COG5: variants seen among roughly 807,000 people sequenced by gnomAD.
COG5 encodes the protein conserved oligomeric Golgi complex subunit 5.
COG5 carries 86 observed loss-of-function variants against 110.4 expected under a neutral mutation model. The observed-to-expected ratio is 0.78, with a 90% CI of 0.65 to 0.93. The LOEUF (loss-of-function observed/expected upper bound fraction) is 0.93, where lower values mean the gene tolerates loss of function less well. Ranked by LOEUF, COG5 falls within the 40% of genes least tolerant of loss-of-function variation. The pLI, the probability that COG5 is intolerant of heterozygous loss-of-function variation, is 0.00. For missense variants in COG5, 1,077 were observed against 987.0 expected (o/e 1.09, Z -1.22); for synonymous variants, 360 against 334.6 (o/e 1.08, Z -0.83).
chr7:107,438,470 C>T lies in COG5; in HGVS notation c.539-25838G>A, dbSNP rs78897007. ...TTATATAAGCCAGAGTTTTAAGCCA[C>T]TGCTTTATCTTTCGTTGAGGTTTCT... is the stretch of plus-strand genomic sequence containing the variant. On this transcript the variant is annotated intron_variant, in intron 6 of 21. Transcript: ENST00000297135. Among the ~76,000 whole-genome samples the T allele has an allele frequency of 8.8e-3, 1,339 of 152,322 alleles. 19 individuals carry two copies. The highest frequency in any genetic ancestry group is 0.028 in the African/African-American group (1,173 of 41,572).
At chr7:107,555,392 C>A (rs1194281981) in intron 2 of COG5, among the ~76,000 whole-genome samples, 1 of 152,152 alleles carries the variant, frequency 6.6e-6, no homozygotes, top group Non-Finnish European at 1.5e-5. Context: ...TCACCAACGA[C>A]TGGAACCCCT....
chr7:107,322,696 C>CAGAACAACAAATTGCT, intron 11 of COG5, among the ~76,000 whole-genome samples: 1 of 152,198 alleles, frequency 6.6e-6, no homozygotes, highest in East Asian at 1.9e-4. Context: ...ACAACATTTA[C>CAGAACAACAAATTGCT]CAAATAATTG....
At chr7:107,536,823 G>C (rs1450641935) in intron 5 of COG5, among the ~76,000 whole-genome samples, 3 of 152,118 alleles carry the variant, frequency 2.0e-5, no homozygotes, top group Admixed American at 6.5e-5. Context: ...TAAGCAAAAA[G>C]AACAAAGCTA....
intron 6 of COG5, among the ~76,000 whole-genome samples, chr7:107,506,424 C>G (rs796244581): frequency 2.6e-5 from 4 of 152,244 alleles, no homozygotes; most frequent in African/African-American, 9.6e-5. Context: ...TCAGGCAGGT[C>G]CCTGCTCTGA....
chr7:107,306,294 C>A (rs75860332), intron 11 of COG5, among the ~76,000 whole-genome samples: 2 of 152,056 alleles, frequency 1.3e-5, no homozygotes, highest in East Asian at 3.9e-4. Flanking sequence ...AAGTCATTTG[C>A]CCCAAGTTAA....
intron 19 of COG5, among the ~76,000 whole-genome samples, chr7:107,229,909 G>A (rs1471872964): frequency 1.4e-5 from 2 of 141,704 alleles, no homozygotes; most frequent in Non-Finnish European, 3.0e-5. Flanking sequence ...GGGGTGCACT[G>A]GCGTGATCTC....
intron 6 of COG5, among the ~76,000 whole-genome samples, chr7:107,424,687 C>T (rs1055970726): frequency 6.6e-6 from 1 of 152,048 alleles, no homozygotes; most frequent in Admixed American, 6.5e-5. Context: ...TGTATAAAGA[C>T]GGAAACAGAT....
intron 3 of COG5, among the ~76,000 whole-genome samples, chr7:107,550,245 C>G (rs550332170): frequency 1.3e-5 from 2 of 152,290 alleles, no homozygotes; most frequent in African/African-American, 4.8e-5. Flanking sequence ...CTACATTTTA[C>G]TCCATCTGCC....
At chr7:107,281,193 T>C (rs781081934) in intron 14 of COG5, 107 bp downstream of exon 14, 3 of 800,488 alleles carry the variant, frequency 3.7e-6, no homozygotes, top group East Asian at 2.7e-5. Context: ...ACAGTAAAAA[T>C]GGAAGTAAGT....
chr7:107,541,361 GT>G (rs1213719214), intron 5 of COG5, among the ~76,000 whole-genome samples: 13 of 149,088 alleles, frequency 8.7e-5, no homozygotes, highest in Non-Finnish European at 1.6e-4. Flanking sequence ...GCTGGGTGTG[GT>G]GGTGCATGCC....
intron 12 of COG5, among the ~76,000 whole-genome samples, chr7:107,294,066 C>T (rs1248529604): frequency 6.6e-6 from 1 of 151,904 alleles, no homozygotes; most frequent in Non-Finnish European, 1.5e-5. Context: ...AGCAAAGACT[C>T]CATCTAAAAA....
At chr7:107,260,792 A>C (rs1425929730) in intron 14 of COG5, among the ~76,000 whole-genome samples, 3 of 152,110 alleles carry the variant, frequency 2.0e-5, no homozygotes, top group African/African-American at 7.2e-5. Context: ...AAAAATATCA[A>C]AGTGAAAAAA....
intron 5 of COG5, among the ~76,000 whole-genome samples, chr7:107,539,605 A>C (rs78099303): frequency 0.018 from 2,740 of 152,254 alleles, 80 homozygotes; most frequent in African/African-American, 0.061. Flanking sequence ...TAATGAAAAT[A>C]TTCTGGCATT....
At chr7:107,259,599 C>A (rs1412396454) in intron 14 of COG5, among the ~76,000 whole-genome samples, 3 of 151,954 alleles carry the variant, frequency 2.0e-5, no homozygotes, top group Non-Finnish European at 4.4e-5. Context: ...CAGGGGGGGT[C>A]AAATGCTAAA....
At chr7:107,226,983 G>A (rs1800385298) in intron 19 of COG5, among the ~76,000 whole-genome samples, 1 of 152,174 alleles carries the variant, frequency 6.6e-6, no homozygotes, top group African/African-American at 2.4e-5. Context: ...GGCCTTGGGA[G>A]CTAAGACGTC....
chr7:107,277,121 A>C (rs557667279), intron 14 of COG5, among the ~76,000 whole-genome samples: 5 of 152,350 alleles, frequency 3.3e-5, no homozygotes, highest in African/African-American at 1.2e-4. Flanking sequence ...CACATAAATA[A>C]AATATATTAT....
chr7:107,495,106 T>C (rs1047306069), intron 6 of COG5, among the ~76,000 whole-genome samples: 4 of 152,118 alleles, frequency 2.6e-5, no homozygotes, highest in East Asian at 1.9e-4. Context: ...TTCAGACTGA[T>C]AGCATTCCCT....
At chr7:107,512,343 T>C (rs1355568584) in intron 6 of COG5, among the ~76,000 whole-genome samples, 9 of 152,160 alleles carry the variant, frequency 5.9e-5, no homozygotes, top group African/African-American at 2.2e-4. Flanking sequence ...TTACAAGGGA[T>C]GTGAAGGACC....
intron 6 of COG5, among the ~76,000 whole-genome samples, chr7:107,492,166 G>A (rs1398940977): frequency 1.2e-5 from 1 of 85,718 alleles, no homozygotes; most frequent in African/African-American, 4.5e-5. Context: ...ACAACAATGG[G>A]TAGTGTGTGT....
Sources: gnomAD v4.1 joint callset for allele counts (sites outside exome capture counted in the v4.1 genomes callset) on GRCh38, gnomAD v4.1.1 for gene constraint, MANE v1.5 for transcripts, NCBI Gene and HGNC (gene_info 2026-07-23, HGNC 2026-07-21) for gene names.